Variants in SLC14A2 observed in about 807,000 individuals in gnomAD.
SLC14A2 encodes solute carrier family 14 member 2, also known as urea transporter 2.
Under a neutral mutation model 104.6 loss-of-function variants are expected in SLC14A2, and 91 were observed. The observed-to-expected ratio is 0.87, with a 90% confidence interval of 0.73 to 1.04. The LOEUF (loss-of-function observed/expected upper bound fraction) is 1.04. SLC14A2 is among the 50% of genes least tolerant of loss of function. The pLI is 0.00. For synonymous variants in SLC14A2, 476 were observed against 466.4 expected, an observed-to-expected ratio of 1.02 and a Z score of -0.27; for missense variants, 1,189 against 1,156.0, an observed-to-expected ratio of 1.03 and a Z score of -0.41.
intron 1 of SLC14A2, among the ~76,000 whole-genome samples, chr18:45,303,442 G>A (rs575353367): frequency 6.6e-6 from 1 of 152,296 alleles, no homozygotes; most frequent in African/African-American, 2.4e-5. Flanking sequence ...GAGTCCTCAG[G>A]CCATATTCAG....
chr18:45,235,600 A>G (rs917857368), intron 1 of SLC14A2, among the ~76,000 whole-genome samples: 5 of 151,740 alleles, frequency 3.3e-5, no homozygotes, highest in African/African-American at 4.8e-5. Context: ...AGCCTCCAGT[A>G]GCTACTATTC....
chr18:45,395,184 T>A (rs2086015554), intron 1 of SLC14A2, among the ~76,000 whole-genome samples: 1 of 152,228 alleles, frequency 6.6e-6, no homozygotes, highest in Non-Finnish European at 1.5e-5. Flanking sequence ...ATACATACAA[T>A]GGAATATTAC....
intron 1 of SLC14A2, among the ~76,000 whole-genome samples, chr18:45,284,178 A>G (rs1369841148): frequency 6.6e-6 from 1 of 152,210 alleles, no homozygotes; most frequent in Non-Finnish European, 1.5e-5. Flanking sequence ...CAGGCATTAC[A>G]GTGTGTTATA....
chr18:45,173,463 C>T, the SLC14A2 span, among the ~76,000 whole-genome samples: 1 of 150,628 alleles, frequency 6.6e-6, no homozygotes, highest in Non-Finnish European at 1.5e-5. Context: ...CTGAAAATTT[C>T]TCTTTTTACA....
chr18:45,386,245 C>T (rs1005267592), intron 1 of SLC14A2, among the ~76,000 whole-genome samples: 6 of 152,128 alleles, frequency 3.9e-5, no homozygotes, highest in Non-Finnish European at 5.9e-5. Flanking sequence ...CTACTTCTGG[C>T]TGGCTTTAAA....
At chr18:45,379,047 C>T (rs1323255496) in intron 1 of SLC14A2, among the ~76,000 whole-genome samples, 4 of 152,170 alleles carry the variant, frequency 2.6e-5, no homozygotes, top group Non-Finnish European at 5.9e-5. Context: ...TGTTAATCCT[C>T]GAATTCTCTG....
At chr18:45,353,895 T>C (rs2085526266) in intron 1 of SLC14A2, among the ~76,000 whole-genome samples, 1 of 152,168 alleles carries the variant, frequency 6.6e-6, no homozygotes, top group Admixed American at 6.5e-5. Flanking sequence ...TTAAACTAGT[T>C]GTTAATTGTT....
chr18:45,356,472 A>G (rs1235933739), intron 1 of SLC14A2, among the ~76,000 whole-genome samples: 1 of 152,218 alleles, frequency 6.6e-6, no homozygotes, highest in African/African-American at 2.4e-5. Flanking sequence ...TACAGATGCC[A>G]TGGAAGAAAC....
At chr18:45,584,391 T>G (rs1007355304) in intron 2 of SLC14A2, among the ~76,000 whole-genome samples, 3 of 152,222 alleles carry the variant, frequency 2.0e-5, no homozygotes, top group Non-Finnish European at 4.4e-5. Context: ...CCACACTTAC[T>G]AATTACCACA....
chr18:45,390,767 C>T (rs73953177), intron 1 of SLC14A2, among the ~76,000 whole-genome samples: 116 of 152,270 alleles, frequency 7.6e-4, no homozygotes, highest in African/African-American at 2.6e-3. Flanking sequence ...CACCAAGCTG[C>T]GCACCTTTCA....
At chr18:45,235,443 A>G (rs2084215290) in intron 1 of SLC14A2, among the ~76,000 whole-genome samples, 1 of 152,104 alleles carries the variant, frequency 6.6e-6, no homozygotes, top group Admixed American at 6.6e-5. Context: ...CTTCTTTTCT[A>G]GCTATTTGAA....
chr18:45,390,927 G>A (rs1470527422), intron 1 of SLC14A2, among the ~76,000 whole-genome samples: 9 of 152,146 alleles, frequency 5.9e-5, no homozygotes, highest in Non-Finnish European at 1.0e-4. Flanking sequence ...TATTTATGAT[G>A]TTTTATGTTT....
intron 1 of SLC14A2, among the ~76,000 whole-genome samples, chr18:45,367,810 C>G (rs1000290795): frequency 1.3e-5 from 2 of 152,152 alleles, no homozygotes; most frequent in Non-Finnish European, 2.9e-5. Context: ...TCTGTTTACT[C>G]TGCTATAAGA....
At chr18:45,445,103 A>G (rs949275359) in intron 1 of SLC14A2, among the ~76,000 whole-genome samples, 27 of 132,202 alleles carry the variant, frequency 2.0e-4, no homozygotes, top group African/African-American at 7.9e-4. Flanking sequence ...GCAAATTGAC[A>G]TGCTTTTTTT....
In SLC14A2 at chr18:45,641,296, T is replaced by A; in HGVS notation, c.1079T>A (p.Met360Lys). ...CVLSCIAIGG[M>K]FYALTWQTHL... ...CTCTCCTGCATCGCCATCGGAGGCATGTTCTATGCCCTCACCTGGCAGACT... is the reference window on the plus strand; with the variant it reads ...CTCTCCTGCATCGCCATCGGAGGCAAGTTCTATGCCCTCACCTGGCAGACT... The change falls in exon 8 of 20, where the codon ATG (methionine) becomes AAG (lysine). Residue 360 changes from methionine to lysine, a missense_variant. Met to Lys is a moderately conservative substitution (Grantham distance 95). Coordinates refer to ENST00000255226, the MANE Select transcript of SLC14A2 (RefSeq NM_007163.4). The A allele has an allele frequency of 6.8e-6, 11 of 1,614,190 alleles. No homozygotes were observed. The highest frequency in any genetic ancestry group is 9.3e-6 in the Non-Finnish European group (11 of 1,180,022).
At chr18:45,416,351 C>G (rs1219918740) in intron 1 of SLC14A2, among the ~76,000 whole-genome samples, 3 of 151,446 alleles carry the variant, frequency 2.0e-5, no homozygotes, top group Non-Finnish European at 4.4e-5. Flanking sequence ...CTGCTCTACA[C>G]CAAATAACCT....
chr18:45,303,872 T>C (rs1359264414), intron 1 of SLC14A2, among the ~76,000 whole-genome samples: 2 of 152,230 alleles, frequency 1.3e-5, no homozygotes, highest in African/African-American at 4.8e-5. Context: ...GGTTCACCTG[T>C]TCCCACCAGT....
chr18:45,481,578 G>T (rs1465811540), intron 1 of SLC14A2, among the ~76,000 whole-genome samples: 1 of 152,062 alleles, frequency 6.6e-6, no homozygotes, highest in Non-Finnish European at 1.5e-5. Flanking sequence ...AATGGTGGTG[G>T]TATCTATGTA....
chr18:45,533,270 A>C (rs911866466), intron 2 of SLC14A2, among the ~76,000 whole-genome samples: 18 of 152,204 alleles, frequency 1.2e-4, no homozygotes, highest in Non-Finnish European at 2.1e-4. Flanking sequence ...TTCAGAAGGA[A>C]TGGTACCAGC....
Sources: allele counts gnomAD v4.1 joint callset (sites outside exome capture counted in the v4.1 genomes callset), GRCh38; gene constraint gnomAD v4.1.1; transcripts MANE v1.5; gene names NCBI Gene and HGNC (gene_info 2026-07-23, HGNC 2026-07-21).